Variants in MGMT observed in about 807,000 individuals in gnomAD.
MGMT encodes methylated-DNA--protein-cysteine methyltransferase.
A neutral mutation model predicts 15.9 loss-of-function variants in MGMT; 14 were observed. The ratio of observed to expected loss-of-function variants is 0.88; its 90% CI spans 0.58 to 1.37. The LOEUF (loss-of-function observed/expected upper bound fraction) is 1.37, where lower values mean the gene tolerates loss of function less well. MGMT is among the 40% of genes most tolerant of loss of function. The pLI, the probability that MGMT is intolerant of heterozygous loss-of-function variation, is 0.00. For missense variants in MGMT, 282 were observed against 268.1 expected (o/e 1.05, Z -0.36); for synonymous variants, 130 against 118.2 (o/e 1.10, Z -0.65).
intron 1 of MGMT, among the ~76,000 whole-genome samples, chr10:129,513,917 T>G (rs888038554): frequency 5.3e-5 from 8 of 152,216 alleles, no homozygotes; most frequent in Admixed American, 2.6e-4. Flanking sequence ...AAAAAACGTT[T>G]ACAAACAGAT....
At chr10:129,558,811 G>T (rs1415526918) in intron 2 of MGMT, among the ~76,000 whole-genome samples, 1 of 152,184 alleles carries the variant, frequency 6.6e-6, no homozygotes. Context: ...TTCGAAAAGT[G>T]TGTCAGATCA....
intron 4 of MGMT, among the ~76,000 whole-genome samples, chr10:129,763,148 A>G (rs575510447): frequency 1.3e-5 from 2 of 152,314 alleles, no homozygotes; most frequent in Admixed American, 6.5e-5. Context: ...GGATTCACGT[A>G]TTGGATGAAT....
chr10:129,571,485 T>C (rs1039996847), intron 2 of MGMT, among the ~76,000 whole-genome samples: 16 of 152,212 alleles, frequency 1.1e-4, no homozygotes. Flanking sequence ...GTTTGAAGTA[T>C]TGTATGTTCC....
rs1382097053 is a variant in MGMT at position 129,734,709 on chromosome 10, G to A, written c.275-24493G>A. Among the ~76,000 whole-genome samples, 15 of 152,212 alleles carry A rather than the reference G, an allele frequency of 9.9e-5. No individual in the cohort carries two copies. In the South Asian group the frequency reaches 3.1e-3, roughly 32 times the overall value. ...ATTGGCTGTGGGTTTGTCATAGATAGCACTTATTATTTTGAGATACGTCCC... is the reference window on the plus strand; with the variant it reads ...ATTGGCTGTGGGTTTGTCATAGATAACACTTATTATTTTGAGATACGTCCC... On this transcript the variant is annotated intron_variant, in intron 3 of 4. Coordinates refer to ENST00000651593, the MANE Select transcript of MGMT (RefSeq NM_002412.5).
rs558136333 is a variant in MGMT at position 129,768,715 on chromosome 10, G to C, written c.*1718G>C. On this transcript the variant is annotated 3_prime_UTR_variant, in exon 5 of 5. Transcript: ENST00000651593. ...TGCGAGCCGCGAGTGCTTTCCAACA[G>C]AGGGCACCAGAGCCGTGCGGTGTGC... 2 of 152,430 alleles carry C rather than the reference G, an allele frequency of 1.3e-5. No homozygotes were observed. Among genetic ancestry groups the C allele is most frequent in the Admixed American group, 1.3e-4 (2 of 15,308 alleles). 9.4% of individuals were successfully genotyped at this position (152,430 alleles called of 1,614,324 possible). A position where few individuals can be genotyped will look rare whatever the true frequency, so the allele number is the denominator to read the frequency against.
At chr10:129,699,620 G>A (rs1268604362) in intron 2 of MGMT, among the ~76,000 whole-genome samples, 3 of 152,144 alleles carry the variant, frequency 2.0e-5, no homozygotes, top group Admixed American at 1.3e-4. Flanking sequence ...TTCATTTTGG[G>A]ATGGGGTTGA....
chr10:129,523,676 G>A (rs890461470), intron 1 of MGMT, among the ~76,000 whole-genome samples: 8 of 149,532 alleles, frequency 5.4e-5, no homozygotes, highest in African/African-American at 1.7e-4. Flanking sequence ...CTCTTCTAAT[G>A]CATTCCCGTT....
intron 2 of MGMT, chr10:129,537,041 C>T (rs553022276): frequency 9.9e-5 from 15 of 152,068 alleles, no homozygotes; most frequent in Admixed American, 2.0e-4. Context: ...ATTGCAAAAA[C>T]GTAAGAAATG....
At chr10:129,602,005 C>CGCCA (rs1469883077) in intron 2 of MGMT, among the ~76,000 whole-genome samples, 1 of 152,198 alleles carries the variant, frequency 6.6e-6, no homozygotes, top group East Asian at 1.9e-4. Context: ...GAGCCTTTGA[C>CGCCA]TGGCGACAGT....
Position 129,592,557 on chromosome 10 carries a change from G to A in MGMT, c.125+56180G>A, listed in dbSNP as rs11016845. The stretch of plus-strand genomic sequence containing the variant: ...ATGGAACCGTGCAGACAGTTGATTC[G>A]GAAGGCTTCAGGGTCCACATGGAAA... On this transcript the variant is annotated intron_variant, in intron 2 of 4. Coordinates refer to ENST00000651593, the MANE Select transcript of MGMT (RefSeq NM_002412.5). 3.9e-5 allele frequency among the ~76,000 whole-genome samples: 6 copies of A among 152,298 alleles called. No individual in the cohort carries two copies. In the South Asian group the frequency reaches 8.3e-4, roughly 21 times the overall value.
At chr10:129,641,742 A>G (rs1315871049) in intron 2 of MGMT, among the ~76,000 whole-genome samples, 1 of 152,212 alleles carries the variant, frequency 6.6e-6, no homozygotes, top group African/African-American at 2.4e-5. Context: ...TATGACAGTT[A>G]TAGCCTGTGT....
At chr10:129,475,982 C>CT (rs1845289526) in intron 1 of MGMT, among the ~76,000 whole-genome samples, 1 of 151,954 alleles carries the variant, frequency 6.6e-6, no homozygotes, top group Non-Finnish European at 1.5e-5. Context: ...GGAGGCAGGA[C>CT]TTTCTGTGCT....
intron 2 of MGMT, among the ~76,000 whole-genome samples, chr10:129,615,938 G>T (rs1432863271): frequency 6.6e-6 from 1 of 152,198 alleles, no homozygotes; most frequent in Non-Finnish European, 1.5e-5. Flanking sequence ...TGGGGAGCAA[G>T]GGAGGCTTCT....
At chr10:129,653,664 A>G (rs1847489069) in intron 2 of MGMT, among the ~76,000 whole-genome samples, 1 of 152,226 alleles carries the variant, frequency 6.6e-6, no homozygotes, top group Non-Finnish European at 1.5e-5. Flanking sequence ...GCAGCTTGCA[A>G]GATTACATCA....
At chr10:129,526,959 C>A (rs914502030) in intron 1 of MGMT, among the ~76,000 whole-genome samples, 3 of 152,198 alleles carry the variant, frequency 2.0e-5, no homozygotes, top group Non-Finnish European at 2.9e-5. Flanking sequence ...TTCCAGAGGT[C>A]TCCAAATAGC....
rs555705134 is a variant in MGMT at position 129,652,062 on chromosome 10, G to C, written c.126-55833G>C. Among the ~76,000 whole-genome samples, 17 of 152,306 alleles carry C rather than the reference G, an allele frequency of 1.1e-4. No individual in the cohort carries two copies. In the South Asian group the frequency reaches 3.3e-3, roughly 30 times the overall value. ...GAAAGGTTCCGGGAAAGCTGCTGTC[G>C]GAAGCCGGGGTTTGTGGGATCGTGT... On this transcript the variant is annotated intron_variant, in intron 2 of 4. Coordinates refer to ENST00000651593, the MANE Select transcript of MGMT (RefSeq NM_002412.5).
At chr10:129,569,112 T>TA (rs1375939946) in intron 2 of MGMT, among the ~76,000 whole-genome samples, 8 of 152,194 alleles carry the variant, frequency 5.3e-5, no homozygotes, top group African/African-American at 1.7e-4. Flanking sequence ...CTCGGCCACT[T>TA]ACGGGCTCTG....
intron 3 of MGMT, among the ~76,000 whole-genome samples, chr10:129,753,449 G>A (rs1163337099): frequency 6.6e-6 from 1 of 151,950 alleles, no homozygotes; most frequent in South Asian, 2.1e-4. Flanking sequence ...TGTAACTCCA[G>A]TGACATAAAT....
At chr10:129,752,085 T>C (rs1025413329) in intron 3 of MGMT, among the ~76,000 whole-genome samples, 10 of 152,020 alleles carry the variant, frequency 6.6e-5, no homozygotes, top group Non-Finnish European at 1.2e-4. Flanking sequence ...TTCTATTGAT[T>C]ATTGAGAAAG....
Sources: gnomAD v4.1 joint callset for allele counts (sites outside exome capture counted in the v4.1 genomes callset) on GRCh38, gnomAD v4.1.1 for gene constraint, MANE v1.5 for transcripts, NCBI Gene and HGNC (gene_info 2026-07-23, HGNC 2026-07-21) for gene names.